Variants in ARHGAP32 observed in about 807,000 individuals in gnomAD.
ARHGAP32 encodes the protein rho GTPase-activating protein 32.
Under a neutral mutation model 186.5 loss-of-function variants are expected in ARHGAP32, and 51 were observed. The ratio of observed to expected loss-of-function variants is 0.27; its 90% CI spans 0.22 to 0.35. ARHGAP32 has a LOEUF of 0.35. Ranked by LOEUF, ARHGAP32 falls within the 10% of genes least tolerant of loss-of-function variation. The pLI, the probability that ARHGAP32 is intolerant of heterozygous loss-of-function variation, is 1.00. For synonymous variants in ARHGAP32, 950 were observed against 964.3 expected (o/e 0.99, Z 0.27); for missense variants, 2,186 against 2,623.5 (o/e 0.83, Z 3.64).
chr11:128,967,170 T>C lies in ARHGAP32; in HGVS notation c.*1737A>G, dbSNP rs1184689950. On this transcript the variant is annotated 3_prime_UTR_variant, in exon 23 of 23. Coordinates refer to ENST00000682385, the MANE Select transcript of ARHGAP32 (RefSeq NM_001378024.1). Reference sequence around the variant, plus strand: ...GTTCTTGAAACATTTTATTTTTTTCTAAATATAAACCCTTAAAATGCACAT... The same window carrying C: ...GTTCTTGAAACATTTTATTTTTTTCCAAATATAAACCCTTAAAATGCACAT... 2 of 152,230 alleles carry C rather than the reference T, an allele frequency of 1.3e-5. No homozygotes were observed. The highest frequency in any genetic ancestry group is 2.9e-5 in the Non-Finnish European group (2 of 68,040). 9.4% of individuals were successfully genotyped at this position (152,230 alleles called of 1,614,324 possible). A position where few individuals can be genotyped will look rare whatever the true frequency, so the allele number is the denominator to read the frequency against.
intron 5 of ARHGAP32, among the ~76,000 whole-genome samples, chr11:129,108,688 G>C (rs1177313159): frequency 6.6e-6 from 1 of 152,142 alleles, no homozygotes; most frequent in Admixed American, 6.5e-5. Context: ...AGTTGTAATA[G>C]TTCTACATTT....
chr11:129,088,669 AC>A (rs1029723145), intron 6 of ARHGAP32, among the ~76,000 whole-genome samples: 1 of 152,188 alleles, frequency 6.6e-6, no homozygotes, highest in African/African-American at 2.4e-5. Context: ...AAGTTCAATG[AC>A]TTTGTAAAGG....
chr11:129,140,428 T>C (rs1194583683), intron 2 of ARHGAP32, among the ~76,000 whole-genome samples: 1 of 152,210 alleles, frequency 6.6e-6, no homozygotes, highest in African/African-American at 2.4e-5. Flanking sequence ...GCCCTTAAGC[T>C]TGTGATAATT....
At chr11:129,176,850 G>A (rs1025112412) in intron 1 of ARHGAP32, among the ~76,000 whole-genome samples, 24 of 152,100 alleles carry the variant, frequency 1.6e-4, no homozygotes, top group Admixed American at 5.2e-4. Flanking sequence ...ATCCAACATC[G>A]ACACCCTAAC....
intron 2 of ARHGAP32, among the ~76,000 whole-genome samples, chr11:129,162,988 A>G (rs536376920): frequency 2.0e-5 from 3 of 152,300 alleles, no homozygotes; most frequent in Admixed American, 2.0e-4. Context: ...ATGCAAAGTA[A>G]ATTTCCATAC....
At chr11:129,242,540 A>C (rs1945032657) in intron 1 of ARHGAP32, among the ~76,000 whole-genome samples, 1 of 152,066 alleles carries the variant, frequency 6.6e-6, no homozygotes, top group Admixed American at 6.5e-5. Context: ...AACACAGTGA[A>C]ACCCTGTCTC....
Position 128,969,172 on chromosome 11 carries a change from T to A in ARHGAP32, c.6041A>T (p.Asp2014Val), listed in dbSNP as rs768553661. The A allele has an allele frequency of 6.2e-7, 1 of 1,613,258 alleles. No individual in the cohort carries two copies. The highest frequency in any genetic ancestry group is 1.3e-5 in the African/African-American group (1 of 74,916). Residue 2014 changes from aspartate to valine, a missense_variant, in exon 23 of 23, where the codon GAC becomes GTC. Asp to Val is a radical substitution (Grantham distance 152). This residue lies in a region of ARHGAP32 where 1,502 missense variants were observed against 1,570.0 expected (regional missense o/e 0.96). Coordinates refer to ENST00000682385, the MANE Select transcript of ARHGAP32 (RefSeq NM_001378024.1). This position sits in a 1 kb window ranked among gnomAD's most constrained non-coding sequence, Gnocchi z 4.8. The part of the protein sequence containing the change: ...KLHHTQNVER[D>V]PSVLYQYQPH... ...TTGGTACTGGTACAGCACACTGGGG[T>A]CCCTCTCCACGTTCTGGGTATGATG... is the stretch of plus-strand genomic sequence containing the variant.
At chr11:129,087,437 A>G (rs898313933) in intron 6 of ARHGAP32, among the ~76,000 whole-genome samples, 4 of 152,236 alleles carry the variant, frequency 2.6e-5, no homozygotes, top group Non-Finnish European at 4.4e-5. Flanking sequence ...CTCAAGCCAT[A>G]AAAAGACATG....
At chr11:129,153,025 T>C (rs556168325) in intron 2 of ARHGAP32, among the ~76,000 whole-genome samples, 3 of 152,108 alleles carry the variant, frequency 2.0e-5, no homozygotes, top group African/African-American at 7.2e-5. Flanking sequence ...ATCTGATAAA[T>C]AGATTCAGTA....
At chr11:129,002,742 T>C (rs1005022695) in intron 11 of ARHGAP32, among the ~76,000 whole-genome samples, 3 of 152,138 alleles carry the variant, frequency 2.0e-5, no homozygotes, top group African/African-American at 4.8e-5. Context: ...ATGGCTTTTA[T>C]TATGCTGACA....
intron 11 of ARHGAP32, among the ~76,000 whole-genome samples, chr11:129,036,491 T>G (rs1939347361): frequency 6.6e-6 from 1 of 150,626 alleles, no homozygotes; most frequent in South Asian, 2.1e-4. Context: ...TTATAGTACA[T>G]CTGAGTCAAT....
chr11:129,041,029 A>T lies in ARHGAP32; in HGVS notation c.964-20T>A, dbSNP rs1319543879. ...TCCCACCTGATGAAAAGCAACAAAG[A>T]AAGGATTCTAAACCAGCAAACAGAC... is the stretch of plus-strand genomic sequence containing the variant. On this transcript the variant is annotated intron_variant, in intron 10 of 22. Coordinates refer to ENST00000682385, the MANE Select transcript of ARHGAP32 (RefSeq NM_001378024.1). 2 of 1,549,952 alleles carry T rather than the reference A, an allele frequency of 1.3e-6. No individual in the cohort carries two copies. The highest frequency in any genetic ancestry group is 3.7e-5 in the Admixed American group (2 of 53,478).
In ARHGAP32 at chr11:128,988,135, AT is replaced by A. The variant is rs768056883; in HGVS notation, c.1196-11del. ...TGAAGAACCTGCGGCACTAAAGAGAATTTGTAAAGAAACAGATGAAATTGTA... is the reference window on the plus strand; with the variant it reads ...TGAAGAACCTGCGGCACTAAAGAGAATTGTAAAGAAACAGATGAAATTGTA... On this transcript the variant is annotated splice_polypyrimidine_tract_variant and intron_variant, in intron 12 of 22. Transcript: ENST00000682385. The A allele has an allele frequency of 6.2e-7, 1 of 1,600,728 alleles. No homozygotes were observed. The highest frequency in any genetic ancestry group is 2.2e-5 in the East Asian group (1 of 44,764).
rs1304534657 is a variant in ARHGAP32, at chr11:129,123,417, T to C, written c.444+29A>G. The C allele has an allele frequency of 1.9e-6, 3 of 1,560,718 alleles. No homozygotes were observed. The highest frequency in any genetic ancestry group is 2.2e-5 in the East Asian group (1 of 44,556). On this transcript the variant is annotated intron_variant, in intron 5 of 22. Coordinates refer to ENST00000682385, the MANE Select transcript of ARHGAP32 (RefSeq NM_001378024.1). The surrounding 1 kb of genome is among the most constrained non-coding windows in gnomAD (Gnocchi z 4.6). ...ATAAAGGTAAATGTGTAAATCTTAA[T>C]TCAAGATGTAAGAAATATTTCAGTA...
At chr11:128,990,021 T>A (rs1946001705) in intron 12 of ARHGAP32, among the ~76,000 whole-genome samples, 1 of 152,202 alleles carries the variant, frequency 6.6e-6, no homozygotes, top group Admixed American at 6.5e-5. Context: ...AATTTACATT[T>A]AATTATTATT....
chr11:129,071,266 A>C (rs1385191855), intron 6 of ARHGAP32, among the ~76,000 whole-genome samples: 1 of 152,060 alleles, frequency 6.6e-6, no homozygotes, highest in Non-Finnish European at 1.5e-5. Context: ...GAAAATGATT[A>C]TCAGGGCAAA....
At chr11:129,207,790 A>G (rs1944533571) in intron 1 of ARHGAP32, among the ~76,000 whole-genome samples, 1 of 152,316 alleles carries the variant, frequency 6.6e-6, no homozygotes, top group African/African-American at 2.4e-5. Context: ...AAAAATGATA[A>G]AATAATAGAA....
At chr11:129,195,679 G>A (rs552441578), upstream of ARHGAP32, among the ~76,000 whole-genome samples, 7 of 152,112 alleles carry the variant, frequency 4.6e-5, no homozygotes, top group South Asian at 1.0e-3. Flanking sequence ...ACGCCATTGC[G>A]CTCCAGCCTG....
chr11:129,133,827 G>C (rs771003887), intron 2 of ARHGAP32, among the ~76,000 whole-genome samples: 1 of 152,198 alleles, frequency 6.6e-6, no homozygotes, highest in Non-Finnish European at 1.5e-5. Flanking sequence ...GGCATGAAGA[G>C]AGAACAACAG....
Sources: allele counts gnomAD v4.1 joint callset (sites outside exome capture counted in the v4.1 genomes callset), GRCh38; gene constraint gnomAD v4.1.1; regional missense constraint gnomAD v4.1.1; non-coding constraint Gnocchi (gnomAD v3.1); transcripts MANE v1.5; gene names NCBI Gene and HGNC (gene_info 2026-07-23, HGNC 2026-07-21).